The following DYNC1LI1 variants were observed in gnomAD, a reference collection of about 807,000 sequenced individuals.
The protein encoded by DYNC1LI1 is dynein cytoplasmic 1 light intermediate chain 1, also known as cytoplasmic dynein 1 light intermediate chain 1.
In DYNC1LI1, 19 loss-of-function variants were observed where a neutral mutation model predicts 63.8. The ratio of observed to expected loss-of-function variants is 0.30; its 90% CI spans 0.21 to 0.44. The LOEUF is 0.44. Ranked by LOEUF, DYNC1LI1 falls within the 20% of genes least tolerant of loss-of-function variation. DYNC1LI1 has a pLI of 1.00. For synonymous variants in DYNC1LI1, 225 were observed against 232.3 expected (o/e 0.97, Z 0.28); for missense variants, 565 against 630.2 (o/e 0.90, Z 1.11).
chr3:32,532,880 G>A (rs1255698595), intron 8 of DYNC1LI1, 106 bp downstream of exon 8: 2 of 1,388,806 alleles, frequency 1.4e-6, no homozygotes, highest in East Asian at 2.8e-5. Flanking sequence ...AAACCCTCCA[G>A]ATGGAAAAGG....
chr3:32,528,551 T>G lies in DYNC1LI1; in HGVS notation c.1357A>C (p.Ser453Arg). 1 of 1,613,810 alleles carries G rather than the reference T, an allele frequency of 6.2e-7. No homozygotes were observed. The highest frequency in any genetic ancestry group is 8.5e-7 in the Non-Finnish European group (1 of 1,179,826). ...VLANFFNSLL[S>R]KKTGSPGGPG... is the part of the protein sequence containing the mutation. ...CCTCCTGGAGAGCCAGTCTTTTTAC[T>G]CAACAAACTGTTGAAGAAATTTGCC... Residue 453 changes from serine (S) to arginine (R), a missense_variant, in exon 12 of 13, where the codon AGT (serine) becomes CGT (arginine). Transcript: ENST00000273130.
intron 2 of DYNC1LI1, among the ~76,000 whole-genome samples, chr3:32,554,863 ATTTTTTTT>A (rs11434502): frequency 2.9e-5 from 3 of 104,732 alleles, no homozygotes; most frequent in African/African-American, 3.9e-5. Flanking sequence ...AAATTTTTGA[ATTTTTTTT>A]TTTTTTTTTT....
chr3:32,564,317 A>G (rs1698231187), intron 2 of DYNC1LI1, among the ~76,000 whole-genome samples: 5 of 152,368 alleles, frequency 3.3e-5, no homozygotes, highest in African/African-American at 1.2e-4. Context: ...CCATCTCTAA[A>G]TAAACAAACA....
chr3:32,548,288 C>T lies in DYNC1LI1; in HGVS notation c.221-2323G>A, dbSNP rs571038594. ...ATTAGATTCTCATAGGAGCCCAAACCCTAATGTGAACTGCGCACGCCTGGG... is the reference window on the plus strand; with the variant it reads ...ATTAGATTCTCATAGGAGCCCAAACTCTAATGTGAACTGCGCACGCCTGGG... On this transcript the variant is annotated intron_variant, in intron 2 of 12. Coordinates refer to ENST00000273130, the MANE Select transcript of DYNC1LI1 (RefSeq NM_016141.4). Among the ~76,000 whole-genome samples, 1,130 of 152,210 alleles carry T rather than the reference C, an allele frequency of 7.4e-3. 9 individuals are homozygous for T. The highest frequency in any genetic ancestry group is 0.013 in the Non-Finnish European group (900 of 68,008).
intron 8 of DYNC1LI1, chr3:32,531,998 A>G (rs1697704157): frequency 6.6e-6 from 1 of 152,084 alleles, no homozygotes; most frequent in Non-Finnish European, 1.5e-5. Flanking sequence ...CAGATTTTTG[A>G]GCATTTTGGA....
At chr3:32,550,120 G>T (rs900056889) in intron 2 of DYNC1LI1, among the ~76,000 whole-genome samples, 16 of 152,088 alleles carry the variant, frequency 1.1e-4, no homozygotes, top group African/African-American at 3.9e-4. Context: ...CAGATTTTGA[G>T]CCTGAATTCA....
chr3:32,537,973 TTTATATATAATATA>T (rs1697809919), intron 5 of DYNC1LI1, among the ~76,000 whole-genome samples: 1 of 19,714 alleles, frequency 5.1e-5, no homozygotes, highest in African/African-American at 3.0e-4. Context: ...TATATATATA[TTTATATATAATATA>T]TATATATAAT....
intron 2 of DYNC1LI1, among the ~76,000 whole-genome samples, chr3:32,560,011 G>A (rs1358341119): frequency 6.6e-6 from 1 of 152,106 alleles, no homozygotes; most frequent in Non-Finnish European, 1.5e-5. Context: ...GTAAGAGTAG[G>A]GAGAGACTAT....
intron 4 of DYNC1LI1, among the ~76,000 whole-genome samples, chr3:32,542,957 A>T (rs1697902285): frequency 6.6e-6 from 1 of 152,232 alleles, no homozygotes; most frequent in African/African-American, 2.4e-5. Flanking sequence ...TTAAGATCAG[A>T]GGCTGTAATC....
chr3:32,548,644 G>A (rs1303980738), intron 2 of DYNC1LI1, among the ~76,000 whole-genome samples: 2 of 152,164 alleles, frequency 1.3e-5, no homozygotes, highest in African/African-American at 4.8e-5. Context: ...CAGAATTTCA[G>A]TTAGACAGGA....
chr3:32,534,397 T>C (rs1697747130), intron 7 of DYNC1LI1, 114 bp downstream of exon 7: 2 of 747,504 alleles, frequency 2.7e-6, no homozygotes, highest in Admixed American at 5.8e-5. Context: ...AGATAGATTC[T>C]CACTTTCTCA....
rs72860519 is a variant in DYNC1LI1 at position 32,536,676 on chromosome 3, C to T, written c.832+335G>A. Among the ~76,000 whole-genome samples, 394 of 152,240 alleles carry T rather than the reference C, an allele frequency of 2.6e-3. 1 individual carries two copies. The highest frequency in any genetic ancestry group is 9.0e-3 in the African/African-American group (376 of 41,562). Reference sequence around the variant, plus strand: ...AAAACACAAAAAACACAATACTGACCTTGTCCTACCACCCACCAATAAATA... The same window carrying T: ...AAAACACAAAAAACACAATACTGACTTTGTCCTACCACCCACCAATAAATA... On this transcript the variant is annotated intron_variant, in intron 6 of 12. Coordinates refer to ENST00000273130, the MANE Select transcript of DYNC1LI1 (RefSeq NM_016141.4).
chr3:32,549,739 T>A (rs1000084994), intron 2 of DYNC1LI1, among the ~76,000 whole-genome samples: 10 of 152,196 alleles, frequency 6.6e-5, no homozygotes, highest in African/African-American at 2.2e-4. Context: ...GACACTACCT[T>A]GATTGAGCCA....
chr3:32,568,564 C>A (rs1444571222), intron 2 of DYNC1LI1, among the ~76,000 whole-genome samples: 1 of 151,830 alleles, frequency 6.6e-6, no homozygotes, highest in Non-Finnish European at 1.5e-5. Context: ...GAGGCTGGGA[C>A]CTCTAAGAAC....
Position 32,570,347 on chromosome 3 carries a change from C to A in DYNC1LI1, c.219G>T (p.Leu73=), listed in dbSNP as rs748040959. 1.9e-6 allele frequency: 3 copies of A among 1,581,266 alleles called. No individual in the cohort carries two copies. The highest frequency in any genetic ancestry group is 1.7e-6 in the Non-Finnish European group (2 of 1,159,686). The change falls in exon 2 of 13, where the codon CTG becomes CTT. Residue 73 remains leucine (L), a splice_region_variant and synonymous_variant. Coordinates refer to ENST00000273130, the MANE Select transcript of DYNC1LI1 (RefSeq NM_016141.4). Reference sequence around the variant, plus strand: ...CGGGGCGAGGCAGGGAACACTTACCCAGCAGTAGCACGTTCTTCCCCGCAG... The same window carrying A: ...CGGGGCGAGGCAGGGAACACTTACCAAGCAGTAGCACGTTCTTCCCCGCAG... The part of the protein sequence containing the change: ...KLPAGKNVLL[L]GEDGAGKTSL...
At chr3:32,541,709 T>C (rs1253450746) in intron 4 of DYNC1LI1, among the ~76,000 whole-genome samples, 3 of 152,192 alleles carry the variant, frequency 2.0e-5, no homozygotes, top group Non-Finnish European at 4.4e-5. Flanking sequence ...TAATGAAATA[T>C]TACCAGTGCT....
intron 2 of DYNC1LI1, among the ~76,000 whole-genome samples, chr3:32,557,696 T>C (rs1053520971): frequency 2.0e-5 from 3 of 152,188 alleles, no homozygotes; most frequent in Non-Finnish European, 4.4e-5. Context: ...TACTTTATTC[T>C]ACACAATTAA....
At chr3:32,534,343 T>C (rs1034241111) in intron 7 of DYNC1LI1, among the ~76,000 whole-genome samples, 168 bp downstream of exon 7, 2 of 152,096 alleles carry the variant, frequency 1.3e-5, no homozygotes, top group African/African-American at 2.4e-5. Flanking sequence ...AAGGCAATAA[T>C]AGATAAATCA....
At chr3:32,531,652 C>G (rs1697697960) in intron 8 of DYNC1LI1, 1 of 152,140 alleles carries the variant, frequency 6.6e-6, no homozygotes. Flanking sequence ...AAATACCACA[C>G]CAACTGATTT....
Sources: gnomAD v4.1 joint callset for allele counts (sites outside exome capture counted in the v4.1 genomes callset) on GRCh38, gnomAD v4.1.1 for gene constraint, MANE v1.5 for transcripts, NCBI Gene and HGNC (gene_info 2026-07-23, HGNC 2026-07-21) for gene names.